ABITRAM: variants seen among roughly 807,000 people sequenced by gnomAD.
The protein encoded by ABITRAM is protein Abitram.
Under a neutral mutation model 22.9 loss-of-function variants are expected in ABITRAM, and 19 were observed. The observed-to-expected ratio is 0.83, with a 90% CI of 0.58 to 1.22. ABITRAM has a LOEUF of 1.22. Ranked by LOEUF, ABITRAM falls within the 50% of genes most tolerant of loss-of-function variation. The pLI is 0.00. For synonymous variants in ABITRAM, 70 were observed against 73.9 expected (o/e 0.95, Z 0.27); for missense variants, 215 against 220.2 (o/e 0.98, Z 0.15).
chr9:108,950,575 G>T, exon 4 of ABITRAM: 2 of 1,550,234 alleles, frequency 1.3e-6, no homozygotes, highest in East Asian at 2.4e-5. Flanking sequence ...GCTTGGGACT[G>T]CATCTTCCCC....
At chr9:108,942,715 T>A (rs1830276958), downstream of ABITRAM, 2 of 1,142,946 alleles carry the variant, frequency 1.7e-6, no homozygotes, top group Admixed American at 4.2e-5. Context: ...ATTTGATTTT[T>A]AAAAATGTCA....
chr9:108,946,916 T>C (rs1830419631), intron 3 of ABITRAM, among the ~76,000 whole-genome samples: 1 of 150,600 alleles, frequency 6.6e-6, no homozygotes, highest in Admixed American at 6.6e-5. Context: ...TGGGCCAAAC[T>C]GAAAAAAAAA....
intron 3 of ABITRAM, among the ~76,000 whole-genome samples, chr9:108,938,760 C>T (rs1830220364): frequency 6.6e-6 from 1 of 151,310 alleles, no homozygotes; most frequent in Non-Finnish European, 1.5e-5. Flanking sequence ...AAATAAGTTC[C>T]TTTATCTATT....
At chr9:108,942,778 A>G (rs765638755), downstream of ABITRAM, 1 of 1,608,960 alleles carries the variant, frequency 6.2e-7, no homozygotes, top group South Asian at 1.1e-5. Flanking sequence ...CTCAAGTTTT[A>G]CTATCCATAG....
In ABITRAM at chr9:108,934,414, C is replaced by A; in HGVS notation, c.-73C>A. Reference sequence around the variant, plus strand: ...CGACACGCGCTGTGCGCCGGAAGAGCACGCCCAGTCCGGGCTGCGCGGAGG... The same window carrying A: ...CGACACGCGCTGTGCGCCGGAAGAGAACGCCCAGTCCGGGCTGCGCGGAGG... On this transcript the variant is annotated 5_prime_UTR_variant, in exon 1 of 6. Transcript: ENST00000322940. 7.4e-7 allele frequency: 1 copy of A among 1,343,132 alleles called. No individual in the cohort carries two copies. Among genetic ancestry groups the A allele is most frequent in the Non-Finnish European group, 1.0e-6 (1 of 993,962 alleles). The allele number at this position is 1,343,132 out of a possible 1,614,324, so 83.2% of individuals were successfully genotyped here. A position where few individuals can be genotyped will look rare whatever the true frequency, so the allele number is the denominator to read the frequency against.
At chr9:108,939,131 G>A (rs927320944) in intron 3 of ABITRAM, 65 bp from the exon 4 acceptor site, 1 of 1,357,324 alleles carries the variant, frequency 7.4e-7, no homozygotes, top group African/African-American at 1.4e-5. Flanking sequence ...TACACCTAAG[G>A]GCTACTTCTC....
In ABITRAM at chr9:108,934,509, C is replaced by T; in HGVS notation, c.23C>T (p.Ala8Val). The change falls in exon 1 of 6, where the codon GCG becomes GTG. Residue 8 changes from alanine to valine, a missense_variant. By Grantham distance (64) the Ala-to-Val change is moderately conservative. Transcript: ENST00000322940. MATEPEA[A>V]EPVVPSLVDR... is the part of the protein sequence containing the mutation. Reference sequence around the variant, plus strand: ...GCCATGGCTACCGAGCCCGAAGCCGCGGAGCCGGTGGTGCCTTCGCTCGTG... The same window carrying T: ...GCCATGGCTACCGAGCCCGAAGCCGTGGAGCCGGTGGTGCCTTCGCTCGTG... 2 of 1,605,410 alleles carry T rather than the reference C, an allele frequency of 1.2e-6. No individual in the cohort carries two copies. Among genetic ancestry groups the T allele is most frequent in the Admixed American group, 1.7e-5 (1 of 59,472 alleles).
downstream of ABITRAM, among the ~76,000 whole-genome samples, chr9:108,945,463 CTTT>C (rs578073650): frequency 1.3e-4 from 18 of 135,426 alleles, no homozygotes; most frequent in Non-Finnish European, 1.9e-4. Flanking sequence ...GGTTTTCTTC[CTTT>C]TTTTTTTTTT....
At chr9:108,935,038 A>G (rs972155347) in intron 1 of ABITRAM, among the ~76,000 whole-genome samples, 2 of 152,206 alleles carry the variant, frequency 1.3e-5, no homozygotes, top group Non-Finnish European at 2.9e-5. Context: ...CATTTACCTT[A>G]AGAGACGCCA....
At position 108,940,742 on chromosome 9, in the gene ABITRAM, G is replaced by A. The variant is rs1245366980; in HGVS notation, c.*1056G>A. On this transcript the variant is annotated 3_prime_UTR_variant, in exon 6 of 6. Transcript: ENST00000322940. ...CTGGCAAAGAAGTTACTGAGAATAT[G>A]TCATTCAAAGGCATAGGGGCCTTTG... 3 of 152,062 alleles carry A rather than the reference G, an allele frequency of 2.0e-5. No individual in the cohort carries two copies. Among genetic ancestry groups the A allele is most frequent in the Admixed American group, 1.3e-4 (2 of 15,266 alleles). 9.4% of individuals were successfully genotyped at this position (152,062 alleles called of 1,614,324 possible).
In ABITRAM at chr9:108,939,984, G is replaced by C. The variant is rs1353293051; in HGVS notation, c.*298G>C. 3.6e-6 allele frequency: 1 copy of C among 280,788 alleles called. No homozygotes were observed. The highest frequency in any genetic ancestry group is 2.2e-5 in the African/African-American group (1 of 45,668). 17.4% of individuals were successfully genotyped at this position (280,788 alleles called of 1,614,324 possible). On this transcript the variant is annotated 3_prime_UTR_variant, in exon 6 of 6. Transcript: ENST00000322940. ...TTAAAAACAAACAAAGCTCTTTGAA[G>C]AAGATTTAGAAAATACAGAAGAGTT... is the stretch of plus-strand genomic sequence containing the variant.
At chr9:108,941,458 A>G (rs1028179579), downstream of ABITRAM, among the ~76,000 whole-genome samples, 16 of 152,210 alleles carry the variant, frequency 1.1e-4, no homozygotes, top group Non-Finnish European at 2.2e-4. Context: ...TGTAATTTAA[A>G]AGAGTACTTT....
chr9:108,948,358 TAG>T, intron 3 of ABITRAM: 1 of 774,118 alleles, frequency 1.3e-6, no homozygotes, highest in Admixed American at 3.4e-5. Context: ...ATAATATGAA[TAG>T]ACTGATAATA....
chr9:108,948,146 C>T (rs769454330), intron 3 of ABITRAM: 19 of 1,603,474 alleles, frequency 1.2e-5, no homozygotes, highest in East Asian at 6.7e-5. Flanking sequence ...ACTTTTAGCC[C>T]GAAATTAAAG....
At chr9:108,947,160 CTG>C (rs1830430852) in intron 3 of ABITRAM, among the ~76,000 whole-genome samples, 1 of 146,112 alleles carries the variant, frequency 6.8e-6, no homozygotes, top group African/African-American at 2.5e-5. Flanking sequence ...GTCACCCAGA[CTG>C]GAGTGCAGTG....
At chr9:108,942,842 GA>G (rs1564117107), downstream of ABITRAM, 4 of 1,613,428 alleles carry the variant, frequency 2.5e-6, no homozygotes, top group Middle Eastern at 1.7e-4. Flanking sequence ...AAGCTGGAAA[GA>G]GTTAAGACAA....
chr9:108,948,967 T>A (rs533156789), intron 3 of ABITRAM, among the ~76,000 whole-genome samples: 3 of 152,160 alleles, frequency 2.0e-5, no homozygotes, highest in Admixed American at 6.5e-5. Flanking sequence ...AATGAAATGA[T>A]GAAGCAAAAA....
chr9:108,936,831 A>T (rs1036723897), intron 3 of ABITRAM, among the ~76,000 whole-genome samples: 22 of 152,120 alleles, frequency 1.4e-4, no homozygotes, highest in Admixed American at 1.3e-3. Context: ...ATGTAAATTA[A>T]ACAGAAAAAA....
intron 3 of ABITRAM, among the ~76,000 whole-genome samples, chr9:108,947,348 C>T (rs12552126): frequency 0.13 from 19,157 of 152,096 alleles, 1,567 homozygotes; most frequent in Middle Eastern, 0.18. Flanking sequence ...CTCCTGACCT[C>T]GTGATCCACC....
Sources: gnomAD v4.1 joint callset for allele counts (sites outside exome capture counted in the v4.1 genomes callset) on GRCh38, gnomAD v4.1.1 for gene constraint, MANE v1.5 for transcripts, NCBI Gene and HGNC (gene_info 2026-07-23, HGNC 2026-07-21) for gene names.